MATN2: variants seen among roughly 807,000 people sequenced by gnomAD.
MATN2 encodes matrilin-2.
MATN2 carries 69 observed loss-of-function variants against 103.2 expected under a neutral mutation model. The observed-to-expected ratio is 0.67, with a 90% confidence interval of 0.55 to 0.82. MATN2 has a LOEUF of 0.82. Among genes scored for constraint, MATN2 ranks in the 40% least tolerant of loss-of-function variants. The pLI is 0.00. For missense variants in MATN2, 1,023 were observed against 1,211.5 expected (o/e 0.84, Z 2.31); for synonymous variants, 429 against 450.2 (o/e 0.95, Z 0.60).
chr8:97,925,889 G>C (rs1809973004), intron 2 of MATN2, among the ~76,000 whole-genome samples: 1 of 152,176 alleles, frequency 6.6e-6, no homozygotes, highest in Non-Finnish European at 1.5e-5. Flanking sequence ...TCCCCATGCA[G>C]ATGGCACCAA....
At chr8:97,971,897 T>TA (rs5893443) in intron 5 of MATN2, among the ~76,000 whole-genome samples, 15 of 148,628 alleles carry the variant, frequency 1.0e-4, no homozygotes, top group Admixed American at 2.7e-4. Context: ...TTTTGCTTAT[T>TA]AAAAAAAAAA....
At chr8:97,968,206 A>C (rs927587758) in intron 5 of MATN2, among the ~76,000 whole-genome samples, 1 of 151,804 alleles carries the variant, frequency 6.6e-6, no homozygotes, top group African/African-American at 2.4e-5. Flanking sequence ...CCCCCAAATC[A>C]TTTTTTTCCC....
At chr8:97,922,367 G>C (rs1418456998) in intron 2 of MATN2, among the ~76,000 whole-genome samples, 1 of 152,168 alleles carries the variant, frequency 6.6e-6, no homozygotes, top group Non-Finnish European at 1.5e-5. Flanking sequence ...CTCATGTGCT[G>C]ACCCTTCACA....
intron 2 of MATN2, among the ~76,000 whole-genome samples, chr8:97,922,753 T>A (rs1314170087): frequency 6.6e-6 from 1 of 152,218 alleles, no homozygotes; most frequent in East Asian, 1.9e-4. Context: ...CAAAAGGTAG[T>A]CAACCACTCC....
At position 98,020,659 on chromosome 8, in the gene MATN2, G is replaced by A. The variant is rs146697068; in HGVS notation, c.1820-546G>A. On this transcript the variant is annotated intron_variant, in intron 12 of 18. Transcript: ENST00000254898. ...CCTCTCCTTTTAAGGGGTAATGACA[G>A]GAAAGAGCCATAGGCTCTCATGCTA... Among the ~76,000 whole-genome samples, 291 of 152,316 alleles carry A rather than the reference G, an allele frequency of 1.9e-3. 1 individual carries two copies. The highest frequency in any genetic ancestry group is 5.4e-4 in the Non-Finnish European group (37 of 68,032).
intron 1 of MATN2, among the ~76,000 whole-genome samples, chr8:97,875,569 C>T (rs1289129506): frequency 2.0e-5 from 3 of 152,036 alleles, no homozygotes; most frequent in African/African-American, 4.8e-5. Context: ...AATAAATTAT[C>T]GTCTTCCCCT....
intron 5 of MATN2, among the ~76,000 whole-genome samples, chr8:97,965,527 C>A (rs1811451051): frequency 6.6e-6 from 1 of 152,102 alleles, no homozygotes; most frequent in Non-Finnish European, 1.5e-5. Flanking sequence ...ATAAAGGGAA[C>A]AAGGAGAAGT....
chr8:97,992,790 T>A (rs1812439489), intron 6 of MATN2, among the ~76,000 whole-genome samples: 1 of 143,302 alleles, frequency 7.0e-6, no homozygotes, highest in African/African-American at 2.7e-5. Context: ...CATGGTGGCA[T>A]GCACTGGTAA....
At chr8:97,897,035 A>G (rs1818835478) in intron 2 of MATN2, among the ~76,000 whole-genome samples, 1 of 152,168 alleles carries the variant, frequency 6.6e-6, no homozygotes, top group Non-Finnish European at 1.5e-5. Context: ...GGATCAGGCA[A>G]TATGGCCGGG....
chr8:97,981,554 C>A (rs1043933304), intron 6 of MATN2, among the ~76,000 whole-genome samples: 2 of 152,160 alleles, frequency 1.3e-5, no homozygotes, highest in South Asian at 4.1e-4. Flanking sequence ...GTCATGGTGC[C>A]AGGAGTTATG....
chr8:97,949,928 C>G (rs931787376), intron 4 of MATN2, among the ~76,000 whole-genome samples: 1 of 152,164 alleles, frequency 6.6e-6, no homozygotes, highest in African/African-American at 2.4e-5. Flanking sequence ...CCATGTGGTT[C>G]CATTTGTATA....
chr8:98,022,842 C>T (rs1385743410), intron 13 of MATN2, among the ~76,000 whole-genome samples: 1 of 152,178 alleles, frequency 6.6e-6, no homozygotes, highest in Non-Finnish European at 1.5e-5. Context: ...AATCCCAGCA[C>T]TTTGGGAGGC....
chr8:97,881,687 C>T (rs1586371195), intron 1 of MATN2, among the ~76,000 whole-genome samples: 2 of 152,308 alleles, frequency 1.3e-5, no homozygotes, highest in East Asian at 3.9e-4. Context: ...AAATATCATT[C>T]CATTTTCCAG....
intron 1 of MATN2, among the ~76,000 whole-genome samples, chr8:97,874,675 A>G (rs6997128): frequency 0.048 from 7,310 of 151,754 alleles, 594 homozygotes; most frequent in African/African-American, 0.17. Context: ...TTGGTTTCCC[A>G]AAGTGCTGGG....
At chr8:98,003,846 G>T in intron 8 of MATN2, 63 bp downstream of exon 8, 2 of 1,598,414 alleles carry the variant, frequency 1.3e-6, no homozygotes, top group South Asian at 1.1e-5. Context: ...GGGCGGGCGG[G>T]TTCACTAGCA....
chr8:97,931,652 T>C lies in MATN2; in HGVS notation c.712+130T>C. 1.2e-6 allele frequency: 1 copy of C among 835,144 alleles called. No homozygotes were observed. The highest frequency in any genetic ancestry group is 1.8e-6 in the Non-Finnish European group (1 of 550,716). The allele number at this position is 835,144 out of a possible 1,614,324, so 51.7% of individuals were successfully genotyped here. A position where few individuals can be genotyped will look rare whatever the true frequency, so the allele number is the denominator to read the frequency against. ...AATAGGTTTTCAACAAAGGCCAAGA[T>C]AAACACAACGTGCTCCAGGGGCTTA... On this transcript the variant is annotated intron_variant, in intron 3 of 18. Coordinates refer to ENST00000254898, the MANE Select transcript of MATN2 (RefSeq NM_002380.5). This position sits in a 1 kb window ranked among gnomAD's most constrained non-coding sequence, Gnocchi z 4.1.
At chr8:97,983,997 T>C (rs1204566211) in intron 6 of MATN2, among the ~76,000 whole-genome samples, 2 of 152,194 alleles carry the variant, frequency 1.3e-5, no homozygotes, top group African/African-American at 4.8e-5. Context: ...GTATCGGTTG[T>C]CAGGTTTCTT....
intron 2 of MATN2, among the ~76,000 whole-genome samples, chr8:97,894,880 CT>C (rs112131272): frequency 1.5e-4 from 22 of 147,800 alleles, no homozygotes; most frequent in East Asian, 4.0e-4. Context: ...TTAACCCCCC[CT>C]TTTTTTTTTG....
Position 97,978,868 on chromosome 8 carries a change from G to A in MATN2, c.959-18G>A. On this transcript the variant is annotated intron_variant, in intron 5 of 18. Transcript: ENST00000254898. ...TCTGTTTGCATTTCTAATTCTGAAT[G>A]TGTTTTATTCTCTCCAGCTGTGGAC... The A allele has an allele frequency of 6.2e-7, 1 of 1,613,424 alleles. No homozygotes were observed. Among genetic ancestry groups the A allele is most frequent in the East Asian group, 2.2e-5 (1 of 44,858 alleles).
Sources: allele counts gnomAD v4.1 joint callset (sites outside exome capture counted in the v4.1 genomes callset), GRCh38; gene constraint gnomAD v4.1.1; non-coding constraint Gnocchi (gnomAD v3.1); transcripts MANE v1.5; gene names NCBI Gene and HGNC (gene_info 2026-07-23, HGNC 2026-07-21).